Variants in DYNC2H1 observed in about 807,000 individuals in gnomAD.
DYNC2H1 encodes dynein cytoplasmic 2 heavy chain 1.
In DYNC2H1, 410 loss-of-function variants were observed where a neutral mutation model predicts 570.0. That is an observed-to-expected ratio of 0.72 (90% confidence interval 0.66 to 0.78). The LOEUF is 0.78. Ranked by LOEUF, DYNC2H1 falls within the 30% of genes least tolerant of loss-of-function variation. The pLI is 0.00. For synonymous variants in DYNC2H1, 1,688 were observed against 1,677.6 expected, an observed-to-expected ratio of 1.01 and a Z score of -0.15; for missense variants, 4,865 against 5,046.4, an observed-to-expected ratio of 0.96 and a Z score of 1.09.
At position 103,468,604 on chromosome 11, in the gene DYNC2H1, C is replaced by A. The variant is rs753409097; in HGVS notation, c.12664C>A (p.Leu4222Ile). The A allele has an allele frequency of 1.2e-6, 2 of 1,613,112 alleles. No homozygotes were observed. Among genetic ancestry groups the A allele is most frequent in the Admixed American group, 1.7e-5 (1 of 59,946 alleles). ...TCCATGGCAGATCAGTGGCTTGTTA[C>A]TAGAAGGATGTAGTTTTGATGGAAA... The part of the protein sequence containing the change: ...KLQIKISGLL[L>I]EGCSFDGNQL... Residue 4222 changes from leucine (L) to isoleucine (I), a missense_variant, in exon 88 of 89, where the codon CTA becomes ATA. Physicochemically the swap from Leu to Ile is conservative, Grantham distance 5. Around this residue, in one of 5 missense-constraint regions of DYNC2H1, gnomAD observed 2,401 missense variants for 2,454.6 expected, o/e 0.98. Transcript: ENST00000375735.
intron 17 of DYNC2H1, among the ~76,000 whole-genome samples, chr11:103,142,211 C>A (rs962670402): frequency 2.6e-5 from 4 of 152,244 alleles, no homozygotes; most frequent in African/African-American, 9.6e-5. Flanking sequence ...ATGCGCTGCA[C>A]CCACTGTCCT....
At chr11:103,373,098 C>T (rs1193450245) in intron 83 of DYNC2H1, among the ~76,000 whole-genome samples, 1 of 152,120 alleles carries the variant, frequency 6.6e-6, no homozygotes, top group Non-Finnish European at 1.5e-5. Flanking sequence ...CGTGCACCAC[C>T]ATATTAGGCT....
intron 54 of DYNC2H1, among the ~76,000 whole-genome samples, chr11:103,214,512 T>G (rs1304035541): frequency 6.6e-6 from 1 of 150,494 alleles, no homozygotes; most frequent in Non-Finnish European, 1.5e-5. Context: ...TAGTGCGGTC[T>G]TGGCTCACTG....
Position 103,122,855 on chromosome 11 carries a change from C to G in DYNC2H1, c.1516C>G (p.Leu506Val), listed in dbSNP as rs576789827. 1 of 1,613,154 alleles carries G rather than the reference C, an allele frequency of 6.2e-7. No individual in the cohort carries two copies. Among genetic ancestry groups the G allele is most frequent in the Non-Finnish European group, 8.5e-7 (1 of 1,179,502 alleles). ...VDDTIKIAEA[L>V]LSDLPGFRCF... ...TGATACTATCAAGATTGCAGAGGCT[C>G]TTTTATCTGACTTGCCAGGATTTCG... is the stretch of plus-strand genomic sequence containing the variant. Residue 506 changes from leucine (L) to valine (V), a missense_variant, in exon 11 of 89, where the codon CTT (leucine) becomes GTT (valine). By Grantham distance (32) the Leu-to-Val change is conservative (BLOSUM62 1). Transcript: ENST00000375735.
At position 103,324,083 on chromosome 11, in the gene DYNC2H1, A is replaced by G. The variant is rs1938349388; in HGVS notation, c.12039+93A>G. ...TTGATTTAGTACTGTAGACCCCACA[A>G]GCTTTATTTAAACATTTTATTTTCA... On this transcript the variant is annotated intron_variant, in intron 82 of 88. Transcript: ENST00000375735. This position sits in a 1 kb window ranked among gnomAD's most constrained non-coding sequence, Gnocchi z 5.2. 1 of 613,146 alleles carries G rather than the reference A, an allele frequency of 1.6e-6. No homozygotes were observed. The highest frequency in any genetic ancestry group is 2.5e-6 in the Non-Finnish European group (1 of 407,518). The allele number at this position is 613,146 out of a possible 1,614,324, so 38.0% of individuals were successfully genotyped here. A position where few individuals can be genotyped will look rare whatever the true frequency, so the allele number is the denominator to read the frequency against.
At chr11:103,312,118 T>C (rs1397806508) in intron 79 of DYNC2H1, 85 bp downstream of exon 79, 6 of 1,439,984 alleles carry the variant, frequency 4.2e-6, no homozygotes, top group Non-Finnish European at 4.7e-6. Context: ...TGGTGGCTCA[T>C]GCCTGTAATC....
At chr11:103,168,434 A>G (rs938130665) in intron 31 of DYNC2H1, among the ~76,000 whole-genome samples, 2 of 152,200 alleles carry the variant, frequency 1.3e-5, no homozygotes, top group African/African-American at 2.4e-5. Context: ...TAGCAGTTCA[A>G]TGTATGTTGT....
intron 6 of DYNC2H1, 53 bp downstream of exon 6, chr11:103,117,916 CT>C: frequency 7.1e-7 from 1 of 1,415,384 alleles, no homozygotes; most frequent in East Asian, 2.3e-5. Context: ...TGTATCTTCA[CT>C]TGTTTGTAAA....
intron 82 of DYNC2H1, among the ~76,000 whole-genome samples, chr11:103,327,087 C>G (rs1779319146): frequency 6.6e-6 from 1 of 152,134 alleles, no homozygotes; most frequent in Admixed American, 6.5e-5. Context: ...GGGCCGGGAA[C>G]AGCCCCGAGC....
intron 17 of DYNC2H1, 43 bp from the exon 18 acceptor site, chr11:103,143,225 G>C (rs2514006): frequency 6.3e-7 from 1 of 1,588,544 alleles, no homozygotes; most frequent in Non-Finnish European, 8.6e-7. Flanking sequence ...TTAACATATT[G>C]GTTCTGTGTC....
At chr11:103,470,808 T>G (rs1591806027) in intron 88 of DYNC2H1, among the ~76,000 whole-genome samples, 2 of 152,236 alleles carry the variant, frequency 1.3e-5, no homozygotes, top group South Asian at 4.1e-4. Context: ...CTTAATCCAG[T>G]CTATCGTTGT....
intron 84 of DYNC2H1, among the ~76,000 whole-genome samples, chr11:103,426,099 A>G (rs1415240530): frequency 8.2e-6 from 1 of 121,662 alleles, no homozygotes. Flanking sequence ...AAACAATAGT[A>G]TGAGCAATCT....
intron 31 of DYNC2H1, among the ~76,000 whole-genome samples, chr11:103,167,476 C>T (rs889345890): frequency 6.6e-5 from 10 of 151,980 alleles, no homozygotes; most frequent in Admixed American, 2.0e-4. Flanking sequence ...CCATGTTGCC[C>T]GGGCTGGTTT....
At chr11:103,196,675 A>G (rs1862519235) in intron 47 of DYNC2H1, among the ~76,000 whole-genome samples, 1 of 152,162 alleles carries the variant, frequency 6.6e-6, no homozygotes, top group African/African-American at 2.4e-5. Flanking sequence ...ATCAGTATAT[A>G]AGGGATAAAG....
chr11:103,116,695 G>A lies in DYNC2H1; in HGVS notation c.747G>A (p.Leu249=), dbSNP rs1290058471. The A allele has an allele frequency of 3.1e-6, 5 of 1,602,272 alleles. No homozygotes were observed. In the Admixed American group the frequency reaches 8.5e-5, roughly 27 times the overall value. Residue 249 remains leucine (L), a synonymous_variant, in exon 5 of 89, where the codon TTG becomes TTA. Coordinates refer to ENST00000375735, the MANE Select transcript of DYNC2H1 (RefSeq NM_001377.3). ...ATCATTATCCTGAGTCACGAATGTTGCATCTCTTAGACATCATAGGTACTA... is the reference window on the plus strand; with the variant it reads ...ATCATTATCCTGAGTCACGAATGTTACATCTCTTAGACATCATAGGTACTA... ...EHDHYPESRM[L]HLLDIIGGSF...
intron 84 of DYNC2H1, among the ~76,000 whole-genome samples, chr11:103,422,064 G>GTCTA (rs1565585577): frequency 6.6e-6 from 1 of 151,896 alleles, no homozygotes; most frequent in East Asian, 1.9e-4. Flanking sequence ...CTATAAACAC[G>GTCTA]TCTATACACA....
In DYNC2H1 at chr11:103,256,308, A is replaced by T. The variant is rs1017619991; in HGVS notation, c.10461+68A>T. The T allele has an allele frequency of 9.3e-5, 135 of 1,449,978 alleles. No homozygotes were observed. Among genetic ancestry groups the T allele is most frequent in the Non-Finnish European group, 1.2e-4 (129 of 1,074,598 alleles). 89.8% of individuals were successfully genotyped at this position (1,449,978 alleles called of 1,614,324 possible). ...AACATTTAGGTTAATATGATAGAAAATGTAGAATCAGGTCCTCAGGGGAAA... is the reference window on the plus strand; with the variant it reads ...AACATTTAGGTTAATATGATAGAAATTGTAGAATCAGGTCCTCAGGGGAAA... On this transcript the variant is annotated intron_variant, in intron 68 of 88. Coordinates refer to ENST00000375735, the MANE Select transcript of DYNC2H1 (RefSeq NM_001377.3). This position sits in a 1 kb window ranked among gnomAD's most constrained non-coding sequence, Gnocchi z 4.0.
intron 76 of DYNC2H1, among the ~76,000 whole-genome samples, chr11:103,303,487 A>G (rs1279283557): frequency 6.6e-6 from 1 of 152,098 alleles, no homozygotes; most frequent in African/African-American, 2.4e-5. Context: ...GGTGGACCCA[A>G]TATAAAATCA....
At position 103,177,547 on chromosome 11, in the gene DYNC2H1, T is replaced by C; in HGVS notation, c.5875-9T>C. On this transcript the variant is annotated splice_polypyrimidine_tract_variant and intron_variant, in intron 37 of 88. Transcript: ENST00000375735. This position sits in a 1 kb window ranked among gnomAD's most constrained non-coding sequence, Gnocchi z 4.4. Reference sequence around the variant, plus strand: ...TAAATCATATATGAACATATTTCTTTCCTACTAGATCAAAAAGGCTTTAGA... The same window carrying C: ...TAAATCATATATGAACATATTTCTTCCCTACTAGATCAAAAAGGCTTTAGA... 6.3e-7 allele frequency: 1 copy of C among 1,595,138 alleles called. No individual in the cohort carries two copies. Among genetic ancestry groups the C allele is most frequent in the Non-Finnish European group, 8.5e-7 (1 of 1,175,146 alleles).
Sources: gnomAD v4.1 joint callset for allele counts (sites outside exome capture counted in the v4.1 genomes callset) on GRCh38, gnomAD v4.1.1 for gene constraint, gnomAD v4.1.1 regional missense constraint, Gnocchi (gnomAD v3.1) non-coding constraint, MANE v1.5 for transcripts, NCBI Gene and HGNC (gene_info 2026-07-23, HGNC 2026-07-21) for gene names.